Variants in RPRD2 observed in about 807,000 individuals in gnomAD.
RPRD2 encodes the protein regulation of nuclear pre-mRNA domain-containing protein 2.
A neutral mutation model predicts 104.4 loss-of-function variants in RPRD2; 12 were observed. The observed-to-expected ratio is 0.11, with a 90% CI of 0.07 to 0.19. The LOEUF (loss-of-function observed/expected upper bound fraction) is 0.19. RPRD2 is among the 10% of genes least tolerant of loss of function. RPRD2 has a pLI of 1.00. For synonymous variants in RPRD2, 714 were observed against 684.9 expected (o/e 1.04, Z -0.66); for missense variants, 1,543 against 1,790.1 (o/e 0.86, Z 2.49).
chr1:150,416,444 A>T (rs1664331826), intron 1 of RPRD2, among the ~76,000 whole-genome samples: 1 of 152,192 alleles, frequency 6.6e-6, no homozygotes, highest in African/African-American at 2.4e-5. Flanking sequence ...AGGTCAAGGA[A>T]CTGAGAGACA....
intron 7 of RPRD2, among the ~76,000 whole-genome samples, chr1:150,453,527 G>A (rs1037852460): frequency 2.6e-5 from 4 of 152,108 alleles, no homozygotes; most frequent in Non-Finnish European, 5.9e-5. Flanking sequence ...TCCAGCTAAT[G>A]GGTTGTGGAC....
At chr1:150,427,412 G>A (rs968897797) in intron 2 of RPRD2, among the ~76,000 whole-genome samples, 12 of 151,484 alleles carry the variant, frequency 7.9e-5, no homozygotes, top group Non-Finnish European at 1.0e-4. Context: ...GGCAGAGATT[G>A]CAGTGAGCCG....
rs34342843 is a variant in RPRD2 at position 150,452,141 on chromosome 1, C to CAA, written c.871-5130_871-5129dup. On this transcript the variant is annotated intron_variant, in intron 7 of 10. Coordinates refer to ENST00000369068, the MANE Select transcript of RPRD2 (RefSeq NM_015203.5). ...TGGGCAAGAGAGCAAGACTCTGTCT[C>CAA]AAAAAAAAAAAAAAAAAAGAGAGAG... Among the ~76,000 whole-genome samples the CAA allele has an allele frequency of 3.0e-3, 329 of 110,838 alleles. 2 individuals carry two copies. The highest frequency in any genetic ancestry group is 9.5e-3 in the Middle Eastern group (2 of 210). The allele number at this position is 110,838 out of a possible 152,430, so 72.7% of individuals were successfully genotyped here. A position where few individuals can be genotyped will look rare whatever the true frequency, so the allele number is the denominator to read the frequency against.
intron 1 of RPRD2, among the ~76,000 whole-genome samples, chr1:150,370,293 T>A (rs1241308148): frequency 6.6e-6 from 1 of 152,148 alleles, no homozygotes; most frequent in Non-Finnish European, 1.5e-5. Context: ...TTAACTCCGG[T>A]CACTTAATAC....
Position 150,472,615 on chromosome 1 carries a change from C to T in RPRD2, c.3667C>T (p.His1223Tyr). ...SSAPPVPPKDHGGIFSRDAPT... is the reference protein window; with the variant it reads ...SSAPPVPPKDYGGIFSRDAPT... Reference sequence around the variant, plus strand: ...TGCCCCACCTGTCCCTCCTAAGGATCATGGTGGTATCTTCTCTCGAGATGC... The same window carrying T: ...TGCCCCACCTGTCCCTCCTAAGGATTATGGTGGTATCTTCTCTCGAGATGC... Residue 1223 changes from histidine (H) to tyrosine (Y), a missense_variant, in exon 11 of 11, where the codon CAT becomes TAT. Coordinates refer to ENST00000369068, the MANE Select transcript of RPRD2 (RefSeq NM_015203.5). The T allele has an allele frequency of 6.2e-7, 1 of 1,613,938 alleles. No homozygotes were observed. The highest frequency in any genetic ancestry group is 8.5e-7 in the Non-Finnish European group (1 of 1,179,858).
At position 150,472,616 on chromosome 1, in the gene RPRD2, A is replaced by G. The variant is rs1313299044; in HGVS notation, c.3668A>G (p.His1223Arg). Residue 1223 changes from histidine (H) to arginine (R), a missense_variant, in exon 11 of 11, where the codon CAT (histidine) becomes CGT (arginine). Coordinates refer to ENST00000369068, the MANE Select transcript of RPRD2 (RefSeq NM_015203.5). The stretch of plus-strand genomic sequence containing the variant: ...GCCCCACCTGTCCCTCCTAAGGATC[A>G]TGGTGGTATCTTCTCTCGAGATGCA... ...SSAPPVPPKD[H>R]GGIFSRDAPT... is the part of the protein sequence containing the mutation. 6.2e-7 allele frequency: 1 copy of G among 1,613,900 alleles called. No homozygotes were observed. Among genetic ancestry groups the G allele is most frequent in the South Asian group, 1.1e-5 (1 of 91,086 alleles).
intron 10 of RPRD2, among the ~76,000 whole-genome samples, chr1:150,467,860 T>C (rs1668378718): frequency 6.6e-6 from 1 of 152,020 alleles, no homozygotes; most frequent in African/African-American, 2.4e-5. Context: ...ATTGACAGAT[T>C]TATAACACAA....
Position 150,364,935 on chromosome 1 carries a change from G to A in RPRD2, c.205+16G>A. On this transcript the variant is annotated intron_variant, in intron 1 of 10. Coordinates refer to ENST00000369068, the MANE Select transcript of RPRD2 (RefSeq NM_015203.5). ...CTCCGGAGATGTGAGTGTTGGGGGT[G>A]ACTAGGGAAGGGAAGACTGGGGAAA... 6.2e-7 allele frequency: 1 copy of A among 1,611,808 alleles called. No individual in the cohort carries two copies. Among genetic ancestry groups the A allele is most frequent in the South Asian group, 1.1e-5 (1 of 90,820 alleles).
chr1:150,421,554 G>A (rs782585616), intron 2 of RPRD2, among the ~76,000 whole-genome samples: 2 of 151,960 alleles, frequency 1.3e-5, no homozygotes, highest in African/African-American at 4.8e-5. Context: ...ATTCCCTACC[G>A]GTTATCAAAT....
intron 4 of RPRD2, among the ~76,000 whole-genome samples, chr1:150,442,521 C>T (rs1666473224): frequency 1.3e-5 from 2 of 152,042 alleles, no homozygotes; most frequent in South Asian, 4.1e-4. Flanking sequence ...CTGCTGTGGG[C>T]AAACTGAGGA....
intron 1 of RPRD2, among the ~76,000 whole-genome samples, chr1:150,414,221 A>G (rs1187270845): frequency 6.6e-6 from 1 of 152,206 alleles, no homozygotes; most frequent in Non-Finnish European, 1.5e-5. Context: ...AAGCAACTAG[A>G]AGGAGGTGAT....
In RPRD2 at chr1:150,364,785, A is replaced by C; in HGVS notation, c.71A>C (p.Glu24Ala). Residue 24 changes from glutamate to alanine, a missense_variant, in exon 1 of 11, where the codon GAG (glutamate) becomes GCG (alanine). Around this residue, in one of 4 missense-constraint regions of RPRD2, gnomAD observed 88 missense variants for 96.6 expected, o/e 0.91. Coordinates refer to ENST00000369068, the MANE Select transcript of RPRD2 (RefSeq NM_015203.5). ...SSSASSAGAL[E>A]SSLDRKFQSV... is the part of the protein sequence containing the mutation. ...TCGGCCTCTTCGGCAGGGGCTCTGG[A>C]GTCCTCGTTGGATCGAAAATTCCAG... is the stretch of plus-strand genomic sequence containing the variant. 1 of 1,612,864 alleles carries C rather than the reference A, an allele frequency of 6.2e-7. No homozygotes were observed. The highest frequency in any genetic ancestry group is 8.5e-7 in the Non-Finnish European group (1 of 1,179,410).
intron 6 of RPRD2, among the ~76,000 whole-genome samples, chr1:150,445,496 T>G (rs1246631273): frequency 6.6e-6 from 1 of 152,238 alleles, no homozygotes; most frequent in African/African-American, 2.4e-5. Flanking sequence ...TGAACGTTAC[T>G]TTTCTCGTTT....
chr1:150,420,099 T>C (rs1258106586), intron 2 of RPRD2, among the ~76,000 whole-genome samples: 3 of 152,230 alleles, frequency 2.0e-5, no homozygotes, highest in African/African-American at 7.2e-5. Flanking sequence ...CCTCTTTATG[T>C]ATAAAACCCA....
intron 8 of RPRD2, among the ~76,000 whole-genome samples, chr1:150,457,942 G>A (rs948218912): frequency 1.3e-5 from 2 of 152,092 alleles, no homozygotes; most frequent in Admixed American, 1.3e-4. Flanking sequence ...ATGGTGGCAG[G>A]TACCTGTAAT....
At chr1:150,431,473 ATTT>A (rs1160491386) in intron 2 of RPRD2, among the ~76,000 whole-genome samples, 2,983 of 78,756 alleles carry the variant, frequency 0.038, 135 homozygotes, top group African/African-American at 0.12. Flanking sequence ...AAAAGGAAGG[ATTT>A]TTTTTTTTTT....
intron 1 of RPRD2, among the ~76,000 whole-genome samples, chr1:150,404,178 C>T (rs782089967): frequency 3.3e-5 from 5 of 152,110 alleles, no homozygotes; most frequent in Admixed American, 6.6e-5. Flanking sequence ...TTTATTAACG[C>T]GTGTTTTGTG....
intron 10 of RPRD2, among the ~76,000 whole-genome samples, chr1:150,465,441 A>G (rs1194378273): frequency 2.0e-5 from 3 of 152,080 alleles, no homozygotes; most frequent in Admixed American, 6.6e-5. Context: ...TTTATCATCT[A>G]TGAGCTGACA....
chr1:150,402,641 A>G (rs1193835161), intron 1 of RPRD2, among the ~76,000 whole-genome samples: 2 of 151,662 alleles, frequency 1.3e-5, no homozygotes, highest in East Asian at 3.9e-4. Flanking sequence ...GCACCACTAC[A>G]CTCCAGCCTA....
Sources: gnomAD v4.1 joint callset for allele counts (sites outside exome capture counted in the v4.1 genomes callset) on GRCh38, gnomAD v4.1.1 for gene constraint, gnomAD v4.1.1 regional missense constraint, MANE v1.5 for transcripts, NCBI Gene and HGNC (gene_info 2026-07-23, HGNC 2026-07-21) for gene names.